The following ANKRD50 variants were observed in gnomAD, a reference collection of about 807,000 sequenced individuals.
The protein encoded by ANKRD50 is ankyrin repeat domain 50, also known as ankyrin repeat domain-containing protein 50.
Under a neutral mutation model 112.0 loss-of-function variants are expected in ANKRD50, and 40 were observed. The ratio of observed to expected loss-of-function variants is 0.36; its 90% CI spans 0.28 to 0.46. ANKRD50 has a LOEUF of 0.46. Among genes scored for constraint, ANKRD50 ranks in the 20% least tolerant of loss-of-function variants. ANKRD50 has a pLI of 1.00. For missense variants in ANKRD50, 1,487 were observed against 1,701.7 expected (o/e 0.87, Z 2.22); for synonymous variants, 613 against 619.1 (o/e 0.99, Z 0.15).
chr4:124,704,860 C>T (rs1046267644), intron 2 of ANKRD50, among the ~76,000 whole-genome samples: 12 of 152,208 alleles, frequency 7.9e-5, no homozygotes, highest in Admixed American at 3.3e-4. Flanking sequence ...TCTGGGAGGC[C>T]GAGGTGGGTG....
intron 2 of ANKRD50, among the ~76,000 whole-genome samples, chr4:124,696,002 TAAAC>T (rs933035248): frequency 1.6e-4 from 25 of 151,976 alleles, no homozygotes; most frequent in Admixed American, 1.2e-3. Context: ...AAAAAATTAT[TAAAC>T]AGAAAAAAGT....
At chr4:124,695,621 A>G (rs749518344) in intron 2 of ANKRD50, among the ~76,000 whole-genome samples, 4 of 152,182 alleles carry the variant, frequency 2.6e-5, no homozygotes, top group Non-Finnish European at 5.9e-5. Context: ...GATGGTGCTT[A>G]CTTTAAGCAC....
intron 2 of ANKRD50, among the ~76,000 whole-genome samples, chr4:124,692,682 C>T (rs577076184): frequency 2.0e-5 from 3 of 152,106 alleles, no homozygotes; most frequent in East Asian, 1.9e-4. Context: ...TTATACCATG[C>T]GATGACAAAA....
At chr4:124,684,484 T>C (rs1724960761) in intron 2 of ANKRD50, among the ~76,000 whole-genome samples, 1 of 152,150 alleles carries the variant, frequency 6.6e-6, no homozygotes, top group African/African-American at 2.4e-5. Context: ...ACATGGCTCA[T>C]CTGTGTGACT....
intron 2 of ANKRD50, among the ~76,000 whole-genome samples, chr4:124,682,070 G>A (rs1724900842): frequency 6.6e-6 from 1 of 152,038 alleles, no homozygotes; most frequent in Admixed American, 6.5e-5. Flanking sequence ...TAAAAAGAAT[G>A]CACAGGGAGG....
chr4:124,695,168 A>G (rs1468061202), intron 2 of ANKRD50, among the ~76,000 whole-genome samples: 3 of 152,122 alleles, frequency 2.0e-5, no homozygotes, highest in African/African-American at 7.2e-5. Context: ...CAAGAACTAG[A>G]AAAAAAATGA....
intron 2 of ANKRD50, among the ~76,000 whole-genome samples, chr4:124,685,779 A>G (rs1401013957): frequency 1.3e-5 from 2 of 149,256 alleles, no homozygotes; most frequent in Non-Finnish European, 3.0e-5. Flanking sequence ...TCAATTTAAA[A>G]TCCTAGAGTT....
chr4:124,690,008 C>G (rs1253142399), intron 2 of ANKRD50, among the ~76,000 whole-genome samples: 1 of 152,124 alleles, frequency 6.6e-6, no homozygotes, highest in Non-Finnish European at 1.5e-5. Flanking sequence ...CAGTATTAGT[C>G]TATTCTTACC....
Position 124,671,743 on chromosome 4 carries a change from C to A in ANKRD50, c.1534G>T (p.Asp512Tyr), listed in dbSNP as rs757090928. The change falls in exon 4 of 5, where the codon GAT (aspartate) becomes TAT (tyrosine). Residue 512 changes from aspartate to tyrosine, a missense_variant. Asp to Tyr is a radical substitution (Grantham distance 160). Transcript: ENST00000504087. ...TGTCGAACTATGCATGATGTGCGAT[C>A]GTCTTCACTGTTGACATGAGCCCCA... ...KAGAHVNSED[D>Y]RTSCIVRQAL... The A allele has an allele frequency of 1.2e-6, 2 of 1,613,772 alleles. No homozygotes were observed. The highest frequency in any genetic ancestry group is 4.5e-5 in the East Asian group (2 of 44,872).
At chr4:124,703,291 T>C (rs936250061) in intron 2 of ANKRD50, among the ~76,000 whole-genome samples, 2 of 152,078 alleles carry the variant, frequency 1.3e-5, no homozygotes, top group African/African-American at 4.8e-5. Context: ...CATCTTTCTG[T>C]AAATGTGTAG....
Position 124,664,530 on chromosome 4 carries a change from G to C in ANKRD50, c.*2988C>G, listed in dbSNP as rs954545616. ...TATTATGCACTTTCATATACACAGGGATTTTTTGAGTAATATCATACAAGG... is the reference window on the plus strand; with the variant it reads ...TATTATGCACTTTCATATACACAGGCATTTTTTGAGTAATATCATACAAGG... On this transcript the variant is annotated 3_prime_UTR_variant, in exon 5 of 5. Coordinates refer to ENST00000504087, the MANE Select transcript of ANKRD50 (RefSeq NM_020337.3). 3 of 152,246 alleles carry C rather than the reference G, an allele frequency of 2.0e-5. No individual in the cohort carries two copies. The highest frequency in any genetic ancestry group is 7.3e-5 in the African/African-American group (3 of 41,360). 9.4% of individuals were successfully genotyped at this position (152,246 alleles called of 1,614,324 possible). A position where few individuals can be genotyped will look rare whatever the true frequency, so the allele number is the denominator to read the frequency against.
At chr4:124,691,985 C>T (rs1022438717) in intron 2 of ANKRD50, among the ~76,000 whole-genome samples, 4 of 152,178 alleles carry the variant, frequency 2.6e-5, no homozygotes, top group Non-Finnish European at 5.9e-5. Flanking sequence ...CACCTGACGT[C>T]ATGGGACAAG....
chr4:124,691,950 A>G (rs1360423637), intron 2 of ANKRD50, among the ~76,000 whole-genome samples: 1 of 152,244 alleles, frequency 6.6e-6, no homozygotes. Context: ...GAGCACTGAC[A>G]TGATAACACA....
Position 124,708,691 on chromosome 4 carries a change from T to TACACAC in ANKRD50, c.512+1303_512+1308dup, listed in dbSNP as rs10558584. Among the ~76,000 whole-genome samples the TACACAC allele has an allele frequency of 4.4e-3, 635 of 145,664 alleles. 5 individuals are homozygous for TACACAC. The highest frequency in any genetic ancestry group is 0.014 in the African/African-American group (546 of 39,406). On this transcript the variant is annotated intron_variant, in intron 2 of 4. Coordinates refer to ENST00000504087, the MANE Select transcript of ANKRD50 (RefSeq NM_020337.3). ...GAGAATTTCTAAGATTACTAACACA[T>TACACAC]ACACACACACACACACACACACACA...
In ANKRD50 at chr4:124,678,735, CA is replaced by C; in HGVS notation, c.682del (p.Trp228GlyfsTer25). The stretch of plus-strand genomic sequence containing the variant: ...TCGGGCAGAACAGAGAAGCAATAGC[CA>C]TGGTGGAAAGAACTCATGGTGACCA... The part of the protein sequence containing the change: ...LAGHHEFFPP[W>X]LLLLCSARKQ... On this transcript the variant is annotated frameshift_variant, in exon 3 of 5. Coordinates refer to ENST00000504087, the MANE Select transcript of ANKRD50 (RefSeq NM_020337.3). LOFTEE classifies it high-confidence loss of function. 6.2e-7 allele frequency: 1 copy of C among 1,613,850 alleles called. No homozygotes were observed. Among genetic ancestry groups the C allele is most frequent in the South Asian group, 1.1e-5 (1 of 91,072 alleles).
At chr4:124,675,442 T>C (rs996510895) in intron 3 of ANKRD50, among the ~76,000 whole-genome samples, 1 of 151,636 alleles carries the variant, frequency 6.6e-6, no homozygotes, top group Non-Finnish European at 1.5e-5. Flanking sequence ...AATATACAAA[T>C]AAAATATGTA....
chr4:124,698,724 G>T (rs761220140), intron 2 of ANKRD50, among the ~76,000 whole-genome samples: 1 of 152,150 alleles, frequency 6.6e-6, no homozygotes, highest in Non-Finnish European at 1.5e-5. Flanking sequence ...GTGAGGTATT[G>T]TAAGAGACTG....
At chr4:124,699,613 C>T (rs905729006) in intron 2 of ANKRD50, among the ~76,000 whole-genome samples, 1 of 152,104 alleles carries the variant, frequency 6.6e-6, no homozygotes. Flanking sequence ...CCTCATATGA[C>T]TCTCATCAAA....
chr4:124,695,024 AT>A (rs200522225), intron 2 of ANKRD50, among the ~76,000 whole-genome samples: 71 of 152,178 alleles, frequency 4.7e-4, no homozygotes, highest in Non-Finnish European at 4.3e-4. Context: ...TATAAAGTTA[AT>A]TTTTTTAAAA....
Sources: gnomAD v4.1 joint callset for allele counts (sites outside exome capture counted in the v4.1 genomes callset) on GRCh38, gnomAD v4.1.1 for gene constraint, MANE v1.5 for transcripts, NCBI Gene and HGNC (gene_info 2026-07-23, HGNC 2026-07-21) for gene names.